SLC2A13: variants seen among roughly 807,000 people sequenced by gnomAD.
SLC2A13 encodes proton myo-inositol cotransporter.
A neutral mutation model predicts 64.4 loss-of-function variants in SLC2A13; 32 were observed. The observed-to-expected ratio is 0.50, with a 90% CI of 0.37 to 0.67. The LOEUF (loss-of-function observed/expected upper bound fraction) is 0.67. SLC2A13 is among the 30% of genes least tolerant of loss of function. SLC2A13 has a pLI of 0.00. For synonymous variants in SLC2A13, 338 were observed against 327.1 expected (o/e 1.03, Z -0.36); for missense variants, 743 against 829.2 (o/e 0.90, Z 1.28).
intron 4 of SLC2A13, among the ~76,000 whole-genome samples, chr12:39,902,648 G>A (rs1397830737): frequency 6.6e-6 from 1 of 152,106 alleles, no homozygotes; most frequent in Non-Finnish European, 1.5e-5. Context: ...GAACATTTCA[G>A]TGGTAAAGGC....
chr12:39,941,637 G>C (rs1319582161), intron 4 of SLC2A13, among the ~76,000 whole-genome samples: 1 of 152,080 alleles, frequency 6.6e-6, no homozygotes, highest in Non-Finnish European at 1.5e-5. Flanking sequence ...TTACTGATTT[G>C]TTTGAGTTCA....
At chr12:39,907,628 C>T (rs1945322368) in intron 4 of SLC2A13, 1 of 152,046 alleles carries the variant, frequency 6.6e-6, no homozygotes, top group Non-Finnish European at 1.5e-5. Context: ...ATTCCTCTAC[C>T]CATAGATTAC....
At chr12:39,998,303 T>C (rs911767364) in intron 3 of SLC2A13, among the ~76,000 whole-genome samples, 3 of 152,254 alleles carry the variant, frequency 2.0e-5, no homozygotes, top group Admixed American at 2.0e-4. Context: ...AAACATCGTA[T>C]GCTGTCACAC....
At chr12:39,906,950 T>A (rs949670792) in intron 4 of SLC2A13, among the ~76,000 whole-genome samples, 11 of 152,192 alleles carry the variant, frequency 7.2e-5, no homozygotes, top group African/African-American at 2.7e-4. Flanking sequence ...ATTCTTTTTA[T>A]AAATAGAAAA....
At chr12:39,906,749 A>T (rs1298376165) in intron 4 of SLC2A13, among the ~76,000 whole-genome samples, 1 of 152,104 alleles carries the variant, frequency 6.6e-6, no homozygotes, top group Non-Finnish European at 1.5e-5. Context: ...AGAGCTACTT[A>T]AATGTGGGGG....
At chr12:40,023,366 G>C (rs1012865492) in intron 3 of SLC2A13, among the ~76,000 whole-genome samples, 1 of 152,204 alleles carries the variant, frequency 6.6e-6, no homozygotes. Flanking sequence ...CTCCTGCAGC[G>C]GGGCCAGGGG....
At chr12:39,806,285 A>C (rs1204022104) in intron 7 of SLC2A13, among the ~76,000 whole-genome samples, 1 of 152,228 alleles carries the variant, frequency 6.6e-6, no homozygotes, top group Non-Finnish European at 1.5e-5. Flanking sequence ...GGAATGAAGG[A>C]TATGTCAGAA....
chr12:40,019,418 T>A (rs1947677132), intron 3 of SLC2A13, among the ~76,000 whole-genome samples: 1 of 152,210 alleles, frequency 6.6e-6, no homozygotes, highest in Non-Finnish European at 1.5e-5. Context: ...TGGCATGAGA[T>A]GCAGTCTGCA....
chr12:39,947,050 G>A (rs192025173), intron 4 of SLC2A13, among the ~76,000 whole-genome samples: 11 of 152,138 alleles, frequency 7.2e-5, no homozygotes, highest in African/African-American at 2.2e-4. Flanking sequence ...TCCTCTACCC[G>A]CTTATTTCAC....
At chr12:39,901,262 A>T (rs1201808979) in intron 4 of SLC2A13, among the ~76,000 whole-genome samples, 1 of 152,204 alleles carries the variant, frequency 6.6e-6, no homozygotes, top group Non-Finnish European at 1.5e-5. Flanking sequence ...AGGCAATACC[A>T]TTCAGGACAT....
At chr12:40,051,916 G>T (rs1416674063) in intron 1 of SLC2A13, among the ~76,000 whole-genome samples, 3 of 152,154 alleles carry the variant, frequency 2.0e-5, no homozygotes, top group Non-Finnish European at 4.4e-5. Context: ...ATTCTAGTTG[G>T]AGTACGGAAA....
At chr12:39,901,921 A>G (rs2136018487) in intron 4 of SLC2A13, among the ~76,000 whole-genome samples, 1 of 152,162 alleles carries the variant, frequency 6.6e-6, no homozygotes, top group Middle Eastern at 3.4e-3. Context: ...TATTCCCAAT[A>G]GCAAAGACTT....
chr12:39,838,959 C>T (rs1943104028), intron 6 of SLC2A13, among the ~76,000 whole-genome samples: 1 of 152,056 alleles, frequency 6.6e-6, no homozygotes, highest in Admixed American at 6.6e-5. Context: ...TCAATGGTGG[C>T]AAACACAGAT....
chr12:39,917,199 T>C (rs1945534336), intron 4 of SLC2A13, among the ~76,000 whole-genome samples: 3 of 151,452 alleles, frequency 2.0e-5, no homozygotes, highest in Admixed American at 2.0e-4. Context: ...CATGAACTAA[T>C]GGGGTGTTCA....
chr12:39,811,578 G>A (rs1020997896), intron 7 of SLC2A13, among the ~76,000 whole-genome samples: 7 of 151,986 alleles, frequency 4.6e-5, no homozygotes, highest in African/African-American at 1.4e-4. Flanking sequence ...GGGTTATTTA[G>A]AAATGTATTG....
At chr12:39,921,402 T>C (rs1398383584) in intron 4 of SLC2A13, among the ~76,000 whole-genome samples, 2 of 152,082 alleles carry the variant, frequency 1.3e-5, no homozygotes, top group African/African-American at 2.4e-5. Context: ...CATTTTACCC[T>C]GTTCAGGTAC....
intron 3 of SLC2A13, among the ~76,000 whole-genome samples, chr12:40,017,801 G>T (rs1194454162): frequency 1.3e-5 from 2 of 152,082 alleles, no homozygotes; most frequent in Non-Finnish European, 2.9e-5. Context: ...TCTCATAAAA[G>T]TCTGTTGCTG....
At chr12:39,984,924 A>T (rs762889885) in intron 3 of SLC2A13, among the ~76,000 whole-genome samples, 2 of 152,174 alleles carry the variant, frequency 1.3e-5, no homozygotes, top group Non-Finnish European at 2.9e-5. Context: ...ATGGGAGGCC[A>T]CTGGGGAAAT....
At chr12:39,978,541 G>A (rs369835546) in intron 3 of SLC2A13, among the ~76,000 whole-genome samples, 12 of 152,286 alleles carry the variant, frequency 7.9e-5, no homozygotes, top group South Asian at 2.1e-4. Context: ...GTTCCCTTTC[G>A]GAGTCAAAGA....
Sources: allele counts gnomAD v4.1 joint callset (sites outside exome capture counted in the v4.1 genomes callset), GRCh38; gene constraint gnomAD v4.1.1; transcripts MANE v1.5; gene names NCBI Gene and HGNC (gene_info 2026-07-23, HGNC 2026-07-21).